The following SLC36A1 variants were observed in gnomAD, a reference collection of about 807,000 sequenced individuals.
SLC36A1 encodes the protein proton-coupled amino acid transporter 1.
SLC36A1 carries 30 observed loss-of-function variants against 47.5 expected under a neutral mutation model. That is an observed-to-expected ratio of 0.63 (90% CI 0.47 to 0.86). SLC36A1 has a LOEUF of 0.86. Ranked by LOEUF, SLC36A1 falls within the 40% of genes least tolerant of loss-of-function variation. The pLI is 0.00. For missense variants in SLC36A1, 517 were observed against 606.0 expected, an observed-to-expected ratio of 0.85 and a Z score of 1.54; for synonymous variants, 255 against 249.7, an observed-to-expected ratio of 1.02 and a Z score of -0.20.
At chr5:151,554,282 C>G in the SLC36A1 span, 1 of 1,338,018 alleles carries the variant, frequency 7.5e-7, no homozygotes, top group African/African-American at 1.5e-5. Context: ...GGTGGGCTGT[C>G]TCCCTCCTCC....
At chr5:151,466,292 AAG>A (rs1171196044) in intron 5 of SLC36A1, among the ~76,000 whole-genome samples, 1 of 152,220 alleles carries the variant, frequency 6.6e-6, no homozygotes, top group Non-Finnish European at 1.5e-5. Flanking sequence ...TAAAAAGTGA[AAG>A]AAAATTTTGG....
At chr5:151,405,264 G>T in the SLC36A1 span, among the ~76,000 whole-genome samples, 3 of 148,578 alleles carry the variant, frequency 2.0e-5, no homozygotes, top group Non-Finnish European at 3.0e-5. Context: ...TGGCTATGTT[G>T]TCTTTCAACT....
chr5:151,537,039 G>C, the SLC36A1 span, among the ~76,000 whole-genome samples: 1 of 152,138 alleles, frequency 6.6e-6, no homozygotes, highest in African/African-American at 2.4e-5. Context: ...GTGTCCACAA[G>C]TCTCACATAA....
chr5:151,531,890 G>A, the SLC36A1 span: 4 of 1,614,208 alleles, frequency 2.5e-6, no homozygotes, highest in South Asian at 2.2e-5. This position sits in a 1 kb window ranked among gnomAD's most constrained non-coding sequence, Gnocchi z 5.7. Flanking sequence ...TTTTCCAGGC[G>A]GATCACCCCC....
chr5:151,459,611 T>G (rs141884677), intron 2 of SLC36A1, among the ~76,000 whole-genome samples: 6 of 152,316 alleles, frequency 3.9e-5, no homozygotes, highest in African/African-American at 1.2e-4. Flanking sequence ...CTCCATTGAG[T>G]TAGTTTCCCA....
chr5:151,392,715 AG>A, the SLC36A1 span, among the ~76,000 whole-genome samples: 34 of 152,082 alleles, frequency 2.2e-4, no homozygotes, highest in Admixed American at 7.2e-4. Context: ...AGTGGTTTTG[AG>A]TGTGTTTCTT....
intron 1 of SLC36A1, among the ~76,000 whole-genome samples, chr5:151,451,986 G>GT (rs1403288270): frequency 1.3e-5 from 2 of 152,142 alleles, no homozygotes; most frequent in African/African-American, 4.8e-5. Context: ...GCCTTTGTGT[G>GT]TGGGCCCTGG....
the SLC36A1 span, chr5:151,505,877 C>T: frequency 1.9e-6 from 3 of 1,605,888 alleles, no homozygotes; most frequent in African/African-American, 4.0e-5. Context: ...CTTCCAGGTT[C>T]TGGTTGCTGT....
the SLC36A1 span, chr5:151,507,434 C>T: frequency 6.2e-7 from 1 of 1,614,102 alleles, no homozygotes; most frequent in South Asian, 1.1e-5. Context: ...CCTCCATGGC[C>T]ACAGGCTTGT....
intron 2 of SLC36A1, among the ~76,000 whole-genome samples, chr5:151,460,019 G>A (rs913357169): frequency 6.6e-6 from 1 of 152,138 alleles, no homozygotes; most frequent in African/African-American, 2.4e-5. Flanking sequence ...ATTTCTCAGG[G>A]GTATGCTTTT....
At chr5:151,515,806 T>C in the SLC36A1 span, among the ~76,000 whole-genome samples, 2 of 152,234 alleles carry the variant, frequency 1.3e-5, no homozygotes, top group Non-Finnish European at 2.9e-5. Flanking sequence ...CTATCTTTGT[T>C]TCTCTAAAGT....
the SLC36A1 span, among the ~76,000 whole-genome samples, chr5:151,351,023 G>T: frequency 6.6e-6 from 1 of 152,140 alleles, no homozygotes; most frequent in African/African-American, 2.4e-5. Flanking sequence ...TCTGTGCTTT[G>T]GTGTTTCTCA....
At chr5:151,533,720 CAT>C in the SLC36A1 span, among the ~76,000 whole-genome samples, 1 of 151,174 alleles carries the variant, frequency 6.6e-6, no homozygotes, top group Admixed American at 6.6e-5. Context: ...AGGTTATATA[CAT>C]ATATATATAC....
downstream of SLC36A1, among the ~76,000 whole-genome samples, chr5:151,495,742 TTAA>T (rs768642689): frequency 7.2e-5 from 11 of 152,194 alleles, no homozygotes; most frequent in East Asian, 3.8e-4. Context: ...ATTCATGAAA[TTAA>T]TAATAATAAT....
chr5:151,553,227 C>A, the SLC36A1 span: 2 of 1,614,232 alleles, frequency 1.2e-6, no homozygotes. Flanking sequence ...GCTGATGACC[C>A]CCACCATGTG....
At chr5:151,433,953 G>A (rs1399931487), upstream of SLC36A1, among the ~76,000 whole-genome samples, 1 of 150,416 alleles carries the variant, frequency 6.6e-6, no homozygotes, top group African/African-American at 2.4e-5. Context: ...GTAAAATTGT[G>A]GCTAAAATGT....
the SLC36A1 span, chr5:151,529,258 C>T: frequency 9.3e-6 from 15 of 1,614,016 alleles, no homozygotes; most frequent in Admixed American, 2.0e-4. Flanking sequence ...GGCCGGTGTT[C>T]ATTGACATCA....
chr5:151,349,652 G>A, the SLC36A1 span, among the ~76,000 whole-genome samples: 32 of 152,270 alleles, frequency 2.1e-4, no homozygotes, highest in Non-Finnish European at 4.1e-4. Flanking sequence ...CAGGCAACTG[G>A]TGAAAAGACA....
chr5:151,527,413 G>GTAGCTGTCCCTCACTTCT, the SLC36A1 span: 2 of 1,546,980 alleles, frequency 1.3e-6, no homozygotes, highest in Non-Finnish European at 1.8e-6. Flanking sequence ...TAGCAATGAG[G>GTAGCTGTCCCTCACTTCT]TAGCTGTCCC....
Sources: allele counts gnomAD v4.1 joint callset (sites outside exome capture counted in the v4.1 genomes callset), GRCh38; gene constraint gnomAD v4.1.1; non-coding constraint Gnocchi (gnomAD v3.1); transcripts MANE v1.5; gene names NCBI Gene and HGNC (gene_info 2026-07-23, HGNC 2026-07-21).